Variants in TAFA5 observed in about 807,000 individuals in gnomAD.
TAFA5 encodes the protein TAFA chemokine like family member 5.
A neutral mutation model predicts 15.3 loss-of-function variants in TAFA5; 6 were observed. That is an observed-to-expected ratio of 0.39 (90% CI 0.21 to 0.77). The LOEUF (loss-of-function observed/expected upper bound fraction) is 0.77. TAFA5 is among the 30% of genes least tolerant of loss of function. TAFA5 has a pLI of 0.41. For missense variants in TAFA5, 161 were observed against 193.1 expected, an observed-to-expected ratio of 0.83 and a Z score of 0.98; for synonymous variants, 103 against 80.7, an observed-to-expected ratio of 1.28 and a Z score of -1.48.
intron 1 of TAFA5, among the ~76,000 whole-genome samples, chr22:48,630,625 T>A (rs1208141722): frequency 1.3e-5 from 2 of 152,100 alleles, no homozygotes; most frequent in Non-Finnish European, 1.5e-5. Context: ...ATGATGGAAG[T>A]CTGTGCAGTG....
At chr22:48,714,939 A>G (rs4988652) in intron 3 of TAFA5, among the ~76,000 whole-genome samples, 9,613 of 152,204 alleles carry the variant, frequency 0.063, 368 homozygotes, top group Admixed American at 0.095. Flanking sequence ...CATTCTCTGC[A>G]TCCGTCTTCA....
chr22:48,744,580 C>T (rs954816339), intron 3 of TAFA5, among the ~76,000 whole-genome samples: 5 of 152,106 alleles, frequency 3.3e-5, no homozygotes, highest in African/African-American at 4.8e-5. Context: ...GCAGGGCACT[C>T]GGCAAAGTCG....
At chr22:48,542,502 GT>G (rs1922463253) in intron 1 of TAFA5, among the ~76,000 whole-genome samples, 1 of 123,374 alleles carries the variant, frequency 8.1e-6, no homozygotes, top group African/African-American at 3.1e-5. Context: ...GTGTGTGTGC[GT>G]GTGTGGCATG....
chr22:48,673,401 T>C lies in TAFA5; in HGVS notation c.262+26655T>C, dbSNP rs561901093. Among the ~76,000 whole-genome samples, 102 of 152,352 alleles carry C rather than the reference T, an allele frequency of 6.7e-4. No homozygotes were observed. In the Middle Eastern group the frequency reaches 0.01, roughly 15 times the overall value. ...TGTCAGTTTCCCTCCCAGGCAGTCC[T>C]GCCTGTCTCGTCGCTTTCTGGACAA... On this transcript the variant is annotated intron_variant, in intron 2 of 3. Coordinates refer to ENST00000402357, the MANE Select transcript of TAFA5 (RefSeq NM_001082967.3).
At chr22:48,673,905 A>G (rs957457047) in intron 2 of TAFA5, among the ~76,000 whole-genome samples, 1 of 152,020 alleles carries the variant, frequency 6.6e-6, no homozygotes, top group South Asian at 2.1e-4. Flanking sequence ...ATAGCTCTGT[A>G]GATACTAGGG....
intron 1 of TAFA5, among the ~76,000 whole-genome samples, chr22:48,609,857 C>T (rs1352316519): frequency 6.6e-6 from 1 of 152,218 alleles, no homozygotes; most frequent in Non-Finnish European, 1.5e-5. Context: ...TTCCACCTGC[C>T]TCCCGCCAGC....
chr22:48,667,793 A>G (rs62224975), intron 2 of TAFA5, among the ~76,000 whole-genome samples: 3,650 of 11,328 alleles, frequency 0.32, 537 homozygotes, highest in East Asian at 0.76. Flanking sequence ...CCCAGCACTC[A>G]GGACCGCGTC....
At chr22:48,572,116 A>G (rs1440143711) in intron 1 of TAFA5, among the ~76,000 whole-genome samples, 1 of 152,108 alleles carries the variant, frequency 6.6e-6, no homozygotes, top group Non-Finnish European at 1.5e-5. Flanking sequence ...ATTTTCCCTG[A>G]ATTATTTCTG....
intron 2 of TAFA5, among the ~76,000 whole-genome samples, chr22:48,671,057 C>T (rs1927787946): frequency 6.6e-6 from 1 of 152,192 alleles, no homozygotes; most frequent in South Asian, 2.1e-4. Context: ...ATCCCAGGGA[C>T]ACACCAAGAT....
At chr22:48,600,459 G>A (rs1261926250) in intron 1 of TAFA5, among the ~76,000 whole-genome samples, 1 of 152,212 alleles carries the variant, frequency 6.6e-6, no homozygotes, top group African/African-American at 2.4e-5. Context: ...CCTTGTCATG[G>A]TTCGGCCTTT....
At position 48,550,446 on chromosome 22, in the gene TAFA5, T is replaced by C. The variant is rs933473463; in HGVS notation, c.112+60742T>C. On this transcript the variant is annotated intron_variant, in intron 1 of 3. Transcript: ENST00000402357. The surrounding 1 kb of genome is among the most constrained non-coding windows in gnomAD (Gnocchi z 4.1). ...CCTGGATGGCTCTCTGGGAGTAAGCTAAGAGGTCACATCTGGATGGAACCA... is the reference window on the plus strand; with the variant it reads ...CCTGGATGGCTCTCTGGGAGTAAGCCAAGAGGTCACATCTGGATGGAACCA... 6.6e-6 allele frequency among the ~76,000 whole-genome samples: 1 copy of C among 152,132 alleles called. No individual in the cohort carries two copies. Among genetic ancestry groups the C allele is most frequent in the African/African-American group, 2.4e-5 (1 of 41,428 alleles).
chr22:48,638,945 C>T lies in TAFA5; in HGVS notation c.113-7652C>T, dbSNP rs563159005. Among the ~76,000 whole-genome samples, 1,133 of 139,816 alleles carry T rather than the reference C, an allele frequency of 8.1e-3. 143 individuals carry two copies. The highest frequency in any genetic ancestry group is 0.031 in the African/African-American group (1,058 of 34,500). The allele number at this position is 139,816 out of a possible 152,430, so 91.7% of individuals were successfully genotyped here. A position where few individuals can be genotyped will look rare whatever the true frequency, so the allele number is the denominator to read the frequency against. On this transcript the variant is annotated intron_variant, in intron 1 of 3. Transcript: ENST00000402357. ...TGGGTCACCGCACACGGGGGGACCC[C>T]GACACTAAGCCCTGGGACACCACAC...
intron 1 of TAFA5, among the ~76,000 whole-genome samples, chr22:48,501,783 C>A (rs140382438): frequency 6.6e-6 from 1 of 152,194 alleles, no homozygotes; most frequent in African/African-American, 2.4e-5. Flanking sequence ...TGAGTGTGGC[C>A]GCTCTTCTCA....
intron 3 of TAFA5, among the ~76,000 whole-genome samples, chr22:48,732,678 G>T (rs1929902291): frequency 6.6e-6 from 1 of 152,232 alleles, no homozygotes; most frequent in Admixed American, 6.5e-5. Context: ...AGGTGTGAGA[G>T]AATTGATTCC....
rs12159162 is a variant in TAFA5 at position 48,745,423 on chromosome 22, C to T, written c.391-4416C>T. On this transcript the variant is annotated intron_variant, in intron 3 of 3. Transcript: ENST00000402357. ...TGGGCACACACGGCTTTGTCGTCGGCGGCTGGCCTGCCCGGGGTTCACCCT... is the reference window on the plus strand; with the variant it reads ...TGGGCACACACGGCTTTGTCGTCGGTGGCTGGCCTGCCCGGGGTTCACCCT... Among the ~76,000 whole-genome samples, 150 of 148,406 alleles carry T rather than the reference C, an allele frequency of 1.0e-3. 3 individuals carry two copies. The highest frequency in any genetic ancestry group is 3.1e-3 in the African/African-American group (122 of 39,682).
At chr22:48,680,278 G>A (rs982208248) in intron 2 of TAFA5, among the ~76,000 whole-genome samples, 7 of 152,258 alleles carry the variant, frequency 4.6e-5, no homozygotes, top group African/African-American at 1.7e-4. Context: ...AGGAGCGTGT[G>A]CGTCCCACGA....
chr22:48,627,019 G>A (rs1039238975), intron 1 of TAFA5, among the ~76,000 whole-genome samples: 1 of 152,198 alleles, frequency 6.6e-6, no homozygotes, highest in African/African-American at 2.4e-5. Context: ...TGGCCGCGGG[G>A]CCCCTTTCCT....
rs944569676 is a variant in TAFA5 at position 48,646,638 on chromosome 22, C to A, written c.154C>A (p.Arg52=). Residue 52 remains arginine (R), a synonymous_variant, in exon 2 of 4, where the codon CGG becomes AGG. Coordinates refer to ENST00000402357, the MANE Select transcript of TAFA5 (RefSeq NM_001082967.3). The part of the protein sequence containing the change: ...AGTCEIVTLD[R]DSSQPRRTIA... ...CACCTGTGAGATTGTGACCTTGGAC[C>A]GGGACAGCAGCCAGCCTCGGAGGAC... The A allele has an allele frequency of 1.2e-6, 2 of 1,612,296 alleles. No homozygotes were observed. The highest frequency in any genetic ancestry group is 2.7e-5 in the African/African-American group (2 of 74,910).
At chr22:48,608,073 A>AACCAGCCCCTCCCACAGTCCCGGGCT (rs1925260909) in intron 1 of TAFA5, among the ~76,000 whole-genome samples, 1 of 144,534 alleles carries the variant, frequency 6.9e-6, no homozygotes, top group African/African-American at 2.6e-5. Context: ...TGAGGCAGTG[A>AACCAGCCCCTCCCACAGTCCCGGGCT]GCCAGCCCCT....
Sources: gnomAD v4.1 joint callset for allele counts (sites outside exome capture counted in the v4.1 genomes callset) on GRCh38, gnomAD v4.1.1 for gene constraint, Gnocchi (gnomAD v3.1) non-coding constraint, MANE v1.5 for transcripts, NCBI Gene and HGNC (gene_info 2026-07-23, HGNC 2026-07-21) for gene names.